Variants in TULP4 observed in about 807,000 individuals in gnomAD.
TULP4 encodes TUB like protein 4.
In TULP4, 16 loss-of-function variants were observed where a neutral mutation model predicts 129.0. The ratio of observed to expected loss-of-function variants is 0.12; its 90% CI spans 0.08 to 0.19. TULP4 has a LOEUF of 0.19. Among genes scored for constraint, TULP4 ranks in the 10% least tolerant of loss-of-function variants. The probability of loss-of-function intolerance (pLI) is 1.00; values close to 1 mark genes in which losing one functional copy is unlikely to be tolerated. For synonymous variants in TULP4, 998 were observed against 854.0 expected (o/e 1.17, Z -2.94); for missense variants, 1,842 against 2,059.1 (o/e 0.89, Z 2.04).
intron 1 of TULP4, among the ~76,000 whole-genome samples, chr6:158,405,414 G>A (rs745934685): frequency 1.3e-5 from 2 of 152,036 alleles, no homozygotes; most frequent in African/African-American, 2.4e-5. Flanking sequence ...CGAAGGCCCC[G>A]AGCTCTGGGA....
At chr6:158,383,140 C>G (rs2114920529) in intron 1 of TULP4, among the ~76,000 whole-genome samples, 1 of 152,304 alleles carries the variant, frequency 6.6e-6, no homozygotes, top group African/African-American at 2.4e-5. Context: ...GTGCATCCTC[C>G]TCAAAGTCCC....
intron 1 of TULP4, among the ~76,000 whole-genome samples, chr6:158,331,784 C>CGTGTATATAT: frequency 1.4e-5 from 1 of 70,522 alleles, no homozygotes; most frequent in Non-Finnish European, 3.0e-5. Context: ...TATATACACA[C>CGTGTATATAT]ACACATACCT....
At position 158,502,401 on chromosome 6, in the gene TULP4, C is replaced by A. The variant is rs199591747; in HGVS notation, c.2738C>A (p.Thr913Lys). ...ACCCGGATGCTGTGCTCCCAGAACA[C>A]GTACACCCTCCCCGGCCCGGGTAGC... is the stretch of plus-strand genomic sequence containing the variant. ...PRTRMLCSQN[T>K]YTLPGPGSSA... Residue 913 changes from threonine to lysine, a missense_variant, in exon 13 of 14, where the codon ACG (threonine) becomes AAG (lysine). This residue lies in a region of TULP4 where 1,089 missense variants were observed against 987.1 expected (regional missense o/e 1.10). Transcript: ENST00000367097. 1.2e-6 allele frequency: 2 copies of A among 1,613,658 alleles called. No homozygotes were observed. The highest frequency in any genetic ancestry group is 2.7e-5 in the African/African-American group (2 of 74,848).
rs865922779 is a variant in TULP4, at chr6:158,454,028, C to A, written c.859+1760C>A. 2.6e-3 allele frequency among the ~76,000 whole-genome samples: 391 copies of A among 148,946 alleles called. 19 individuals are homozygous for A. The highest frequency in any genetic ancestry group is 9.1e-3 in the African/African-American group (364 of 40,040). On this transcript the variant is annotated intron_variant, in intron 5 of 13. Coordinates refer to ENST00000367097, the MANE Select transcript of TULP4 (RefSeq NM_020245.5). ...CATACCTGCCTCTGCACCGCCCCCC[C>A]CCAAGTAATTACTCTATTTTTAAAC...
intron 2 of TULP4, among the ~76,000 whole-genome samples, chr6:158,427,571 G>A (rs927788780): frequency 2.7e-4 from 36 of 134,448 alleles, no homozygotes; most frequent in Non-Finnish European, 5.3e-4. Context: ...TCGTCTCACT[G>A]CAACCTCCAC....
At chr6:158,440,304 T>G (rs1583877742) in intron 3 of TULP4, among the ~76,000 whole-genome samples, 1 of 116,794 alleles carries the variant, frequency 8.6e-6, no homozygotes, top group South Asian at 2.9e-4. Context: ...GATGACAGAG[T>G]GAGTCCCTGT....
chr6:158,423,791 C>T (rs1158200345), intron 2 of TULP4, among the ~76,000 whole-genome samples: 5 of 152,080 alleles, frequency 3.3e-5, no homozygotes, highest in Non-Finnish European at 7.4e-5. Flanking sequence ...CAGGTGCCTG[C>T]CACCACACCC....
intron 1 of TULP4, among the ~76,000 whole-genome samples, chr6:158,373,016 C>CA (rs1298022867): frequency 2.6e-5 from 4 of 152,174 alleles, no homozygotes; most frequent in Admixed American, 2.0e-4. Context: ...AACAAGGTCT[C>CA]ACCAACTTAA....
At chr6:158,279,194 G>T (rs562164499), upstream of TULP4, among the ~76,000 whole-genome samples, 1 of 151,808 alleles carries the variant, frequency 6.6e-6, no homozygotes, top group Non-Finnish European at 1.5e-5. Flanking sequence ...CGCCTGCCTC[G>T]GCCTCCCTAA....
intron 1 of TULP4, among the ~76,000 whole-genome samples, chr6:158,353,325 C>T (rs1242387455): frequency 1.4e-5 from 2 of 147,904 alleles, no homozygotes; most frequent in African/African-American, 2.4e-5. Flanking sequence ...TTCTTTATTC[C>T]CATTAGGGTT....
At chr6:158,412,081 C>A (rs1266697210) in intron 1 of TULP4, among the ~76,000 whole-genome samples, 1 of 152,130 alleles carries the variant, frequency 6.6e-6, no homozygotes, top group African/African-American at 2.4e-5. Context: ...CAGTATCTAG[C>A]TGCATGTCTG....
upstream of TULP4, among the ~76,000 whole-genome samples, chr6:158,281,905 A>C (rs1025376532): frequency 6.6e-6 from 1 of 152,084 alleles, no homozygotes; most frequent in Admixed American, 6.5e-5. Flanking sequence ...TGGGAAAAAC[A>C]TTTTTCCTGG....
chr6:158,431,959 G>A lies in TULP4; in HGVS notation c.543+2062G>A, dbSNP rs552402885. Among the ~76,000 whole-genome samples the A allele has an allele frequency of 4.0e-4, 61 of 151,926 alleles. 1 individual carries two copies. The South Asian group carries it at 0.01, about 26-fold the overall frequency. The stretch of plus-strand genomic sequence containing the variant: ...AGGTGGGATTTTGTTCTAGGAAAGC[G>A]CCCCCACTGCCTTTAAATAAAATGG... On this transcript the variant is annotated intron_variant, in intron 3 of 13. Transcript: ENST00000367097.
chr6:158,417,528 T>G (rs1778236988), intron 2 of TULP4, among the ~76,000 whole-genome samples: 1 of 152,222 alleles, frequency 6.6e-6, no homozygotes, highest in African/African-American at 2.4e-5. Flanking sequence ...CTGTCATCAT[T>G]AAACAGTGGC....
chr6:158,286,932 G>T (rs528563313), intron 1 of TULP4, among the ~76,000 whole-genome samples: 1 of 152,146 alleles, frequency 6.6e-6, no homozygotes, highest in Non-Finnish European at 1.5e-5. Context: ...TTGTGAGGAC[G>T]CACAGTAATG....
rs941650319 is a variant in TULP4 at position 158,510,710 on chromosome 6, C to T, written c.*4016C>T. On this transcript the variant is annotated 3_prime_UTR_variant, in exon 14 of 14. Coordinates refer to ENST00000367097, the MANE Select transcript of TULP4 (RefSeq NM_020245.5). Reference sequence around the variant, plus strand: ...ACTGATTCTAGGTAAGAAGGAGTCTCCACGGGTGTGCCCTGCTCAGCTGGA... The same window carrying T: ...ACTGATTCTAGGTAAGAAGGAGTCTTCACGGGTGTGCCCTGCTCAGCTGGA... The T allele has an allele frequency of 4.6e-5, 7 of 152,238 alleles. No homozygotes were observed. Among genetic ancestry groups the T allele is most frequent in the African/African-American group, 1.7e-4 (7 of 41,440 alleles). 9.4% of individuals were successfully genotyped at this position (152,238 alleles called of 1,614,324 possible).
At chr6:158,418,661 C>G (rs1265202560) in intron 2 of TULP4, among the ~76,000 whole-genome samples, 1 of 152,074 alleles carries the variant, frequency 6.6e-6, no homozygotes, top group Non-Finnish European at 1.5e-5. Flanking sequence ...CCCAGCTACT[C>G]GGAAGGCGGC....
intron 6 of TULP4, among the ~76,000 whole-genome samples, chr6:158,476,462 G>A (rs1049624635): frequency 3.3e-5 from 5 of 151,698 alleles, no homozygotes; most frequent in Non-Finnish European, 7.4e-5. Flanking sequence ...TTAATCTTTC[G>A]CGTCTTCTCA....
intron 1 of TULP4, among the ~76,000 whole-genome samples, chr6:158,366,195 G>A (rs768871533): frequency 1.3e-5 from 2 of 152,124 alleles, no homozygotes; most frequent in Non-Finnish European, 2.9e-5. Context: ...GGGCCACCGC[G>A]CCTGGCCGTC....
Sources: allele counts gnomAD v4.1 joint callset (sites outside exome capture counted in the v4.1 genomes callset), GRCh38; gene constraint gnomAD v4.1.1; regional missense constraint gnomAD v4.1.1; transcripts MANE v1.5; gene names NCBI Gene and HGNC (gene_info 2026-07-23, HGNC 2026-07-21).